WIPF1: variants seen among roughly 807,000 people sequenced by gnomAD.
The protein encoded by WIPF1 is WAS/WASL interacting protein family member 1, also known as WAS/WASL-interacting protein family member 1.
A neutral mutation model predicts 35.4 loss-of-function variants in WIPF1; 13 were observed. The ratio of observed to expected loss-of-function variants is 0.37; its 90% CI spans 0.24 to 0.58. The LOEUF (loss-of-function observed/expected upper bound fraction) is 0.58, where lower values mean the gene tolerates loss of function less well. WIPF1 is among the 20% of genes least tolerant of loss of function. WIPF1 has a pLI of 0.74. For missense variants in WIPF1, 591 were observed against 667.0 expected, an observed-to-expected ratio of 0.89 and a Z score of 1.25; for synonymous variants, 267 against 266.3, an observed-to-expected ratio of 1.00 and a Z score of -0.02.
At chr2:174,664,393 C>G (rs138458613) in intron 1 of WIPF1, among the ~76,000 whole-genome samples, 1 of 152,212 alleles carries the variant, frequency 6.6e-6, no homozygotes, top group Non-Finnish European at 1.5e-5. Context: ...TAGTCCAGGA[C>G]TTGAAACAAA....
chr2:174,638,845 C>CG (rs1438607852), intron 1 of WIPF1, among the ~76,000 whole-genome samples: 7 of 152,104 alleles, frequency 4.6e-5, no homozygotes, highest in Non-Finnish European at 8.8e-5. Context: ...ACAATAAACA[C>CG]GGAGGGCGGA....
chr2:174,674,833 G>A (rs888746050), intron 1 of WIPF1, among the ~76,000 whole-genome samples: 5 of 151,338 alleles, frequency 3.3e-5, no homozygotes, highest in African/African-American at 1.2e-4. Context: ...ACAGCTTTTG[G>A]AAAGTAATAC....
At chr2:174,575,835 G>T (rs1685042014) in intron 3 of WIPF1, among the ~76,000 whole-genome samples, 1 of 151,994 alleles carries the variant, frequency 6.6e-6, no homozygotes, top group Non-Finnish European at 1.5e-5. Context: ...GTGAGACCCT[G>T]TCTCAGTAAA....
chr2:174,607,340 T>C (rs1160997334), intron 1 of WIPF1, among the ~76,000 whole-genome samples: 1 of 151,736 alleles, frequency 6.6e-6, no homozygotes, highest in Non-Finnish European at 1.5e-5. Context: ...GAGGCGGAGG[T>C]TGCAGTGAGC....
intron 1 of WIPF1, among the ~76,000 whole-genome samples, chr2:174,660,239 G>A (rs932556434): frequency 5.3e-5 from 8 of 152,230 alleles, no homozygotes; most frequent in African/African-American, 1.7e-4. Flanking sequence ...CTATAAAGAA[G>A]TGTATTCTAA....
intron 1 of WIPF1, among the ~76,000 whole-genome samples, chr2:174,641,483 G>A (rs1193646873): frequency 6.6e-6 from 1 of 152,190 alleles, no homozygotes; most frequent in African/African-American, 2.4e-5. Flanking sequence ...CTGTGGCCAG[G>A]ATTTTCTCTC....
Position 174,562,060 on chromosome 2 carries a change from A to G in WIPF1, c.*487T>C. The G allele has an allele frequency of 1.3e-6, 2 of 1,550,580 alleles. No homozygotes were observed. Among genetic ancestry groups the G allele is most frequent in the Non-Finnish European group, 8.7e-7 (1 of 1,146,986 alleles). On this transcript the variant is annotated 3_prime_UTR_variant, in exon 8 of 8. Coordinates refer to ENST00000679041, the MANE Select transcript of WIPF1 (RefSeq NM_001375834.1). ...GTCCTAGAGCCAAGCTCGGACTGCCAAAGATTGGACATCCTGTGACTGCAA... is the reference window on the plus strand; with the variant it reads ...GTCCTAGAGCCAAGCTCGGACTGCCGAAGATTGGACATCCTGTGACTGCAA...
Position 174,572,172 on chromosome 2 carries a change from C to G in WIPF1, c.633G>C (p.Arg211Ser). The change falls in exon 5 of 8, where the codon AGG (arginine) becomes AGC (serine). Residue 211 changes from arginine (R) to serine (S), a missense_variant. Physicochemically the swap from Arg to Ser is moderately radical, Grantham distance 110. This residue lies in a region of WIPF1 where 471 missense variants were observed against 501.1 expected (regional missense o/e 0.94). Transcript: ENST00000679041. ...RGSPPVPGGP[R>S]QPSPGPTPPP... ...GAGGAGTGGGCCCGGGGCTGGGCTG[C>G]CTGGGGCCTCCGGGCACTGGTGGGG... The G allele has an allele frequency of 6.2e-7, 1 of 1,613,946 alleles. No homozygotes were observed. Among genetic ancestry groups the G allele is most frequent in the Non-Finnish European group, 8.5e-7 (1 of 1,179,946 alleles).
Position 174,674,112 on chromosome 2 carries a change from A to G in WIPF1, c.-39+8662T>C, listed in dbSNP as rs148662274. Among the ~76,000 whole-genome samples the G allele has an allele frequency of 2.7e-3, 413 of 152,376 alleles. 1 individual carries two copies. The highest frequency in any genetic ancestry group is 0.01 in the Middle Eastern group (3 of 294). ...GCTGGAGCTTTATATAAATAATTTT[A>G]TAATGAACTCAGCAACGGCAAGGAC... On this transcript the variant is annotated intron_variant, in intron 1 of 8. Coordinates refer to the WIPF1 transcript ENST00000272746.
At chr2:174,658,031 C>T (rs1455357232) in intron 1 of WIPF1, among the ~76,000 whole-genome samples, 1 of 151,922 alleles carries the variant, frequency 6.6e-6, no homozygotes, top group Non-Finnish European at 1.5e-5. Flanking sequence ...CCTAGAAACC[C>T]TAGAGAATGA....
At chr2:174,677,488 G>A (rs1197871715) in intron 1 of WIPF1, among the ~76,000 whole-genome samples, 1 of 152,212 alleles carries the variant, frequency 6.6e-6, no homozygotes, top group African/African-American at 2.4e-5. Flanking sequence ...CAAGCCACAT[G>A]TGAAGCCCAG....
intron 1 of WIPF1, among the ~76,000 whole-genome samples, chr2:174,650,868 G>A (rs1220815795): frequency 6.6e-6 from 1 of 152,240 alleles, no homozygotes; most frequent in Admixed American, 6.5e-5. Context: ...CAGCTTGGAT[G>A]AGAACAATAC....
Position 174,561,763 on chromosome 2 carries a change from T to C in WIPF1, c.*784A>G. The C allele has an allele frequency of 4.4e-6, 1 of 228,654 alleles. No homozygotes were observed. The highest frequency in any genetic ancestry group is 8.6e-6 in the Non-Finnish European group (1 of 116,132). The allele number at this position is 228,654 out of a possible 1,614,324, so 14.2% of individuals were successfully genotyped here. A position where few individuals can be genotyped will look rare whatever the true frequency, so the allele number is the denominator to read the frequency against. ...CTGCACTAGCTTCCATCTTCCAGAC[T>C]CGTGCTGTCTAATCCAGTAGCCACC... On this transcript the variant is annotated 3_prime_UTR_variant, in exon 8 of 8. Transcript: ENST00000679041.
At chr2:174,647,918 G>T (rs1489435964) in intron 1 of WIPF1, among the ~76,000 whole-genome samples, 3 of 152,200 alleles carry the variant, frequency 2.0e-5, no homozygotes, top group African/African-American at 4.8e-5. Flanking sequence ...ATGCTTCTGG[G>T]ATTGGGATAT....
chr2:174,607,537 C>G (rs755384474), intron 1 of WIPF1, among the ~76,000 whole-genome samples: 31 of 152,210 alleles, frequency 2.0e-4, no homozygotes, highest in Non-Finnish European at 3.5e-4. Flanking sequence ...AGTGGCTTTC[C>G]ATTTTATACC....
chr2:174,596,470 C>T (rs2105871062), intron 1 of WIPF1, among the ~76,000 whole-genome samples: 1 of 152,328 alleles, frequency 6.6e-6, no homozygotes, highest in East Asian at 1.9e-4. Flanking sequence ...TTCTCACTGT[C>T]CTGTCCTATT....
At chr2:174,614,336 A>T (rs1335646171) in intron 1 of WIPF1, among the ~76,000 whole-genome samples, 1 of 152,202 alleles carries the variant, frequency 6.6e-6, no homozygotes, top group East Asian at 1.9e-4. Flanking sequence ...GGCTTTTCGG[A>T]TAGTCTCACC....
intron 1 of WIPF1, among the ~76,000 whole-genome samples, chr2:174,619,680 C>A (rs182800261): frequency 3.9e-5 from 6 of 152,310 alleles, no homozygotes; most frequent in Non-Finnish European, 8.8e-5. Flanking sequence ...TGGTGGCTCA[C>A]ACCTGTAATC....
intron 1 of WIPF1, among the ~76,000 whole-genome samples, chr2:174,637,725 T>G (rs1229363387): frequency 6.6e-6 from 1 of 152,198 alleles, no homozygotes; most frequent in Non-Finnish European, 1.5e-5. Context: ...AGGCGGAGCT[T>G]GCAGTGAGTC....
Sources: allele counts gnomAD v4.1 joint callset (sites outside exome capture counted in the v4.1 genomes callset), GRCh38; gene constraint gnomAD v4.1.1; regional missense constraint gnomAD v4.1.1; transcripts MANE v1.5; gene names NCBI Gene and HGNC (gene_info 2026-07-23, HGNC 2026-07-21).